Variants in CCAR1 observed in about 807,000 individuals in gnomAD.
The protein encoded by CCAR1 is cell division cycle and apoptosis regulator 1, also known as cell division cycle and apoptosis regulator protein 1.
Under a neutral mutation model 163.8 loss-of-function variants are expected in CCAR1, and 78 were observed. The observed-to-expected ratio is 0.48, with a 90% CI of 0.40 to 0.57. The LOEUF (loss-of-function observed/expected upper bound fraction) is 0.57, where lower values mean the gene tolerates loss of function less well. CCAR1 is among the 20% of genes least tolerant of loss of function. The pLI is 0.00. For missense variants in CCAR1, 1,019 were observed against 1,365.2 expected (o/e 0.75, Z 4.00); for synonymous variants, 443 against 460.7 (o/e 0.96, Z 0.49).
intron 19 of CCAR1, among the ~76,000 whole-genome samples, chr10:68,776,451 AG>A (rs1250034064): frequency 6.6e-6 from 1 of 152,062 alleles, no homozygotes; most frequent in Admixed American, 6.6e-5. Context: ...CTGTAATCCC[AG>A]CTACTTGGGA....
chr10:68,790,210 A>C (rs1339599430), intron 24 of CCAR1, among the ~76,000 whole-genome samples: 2 of 152,214 alleles, frequency 1.3e-5, no homozygotes, highest in East Asian at 3.9e-4. Flanking sequence ...AAAAAAAATT[A>C]GCCAGACATG....
At chr10:68,771,955 C>G (rs1205000589) in intron 18 of CCAR1, among the ~76,000 whole-genome samples, 1 of 151,980 alleles carries the variant, frequency 6.6e-6, no homozygotes, top group Non-Finnish European at 1.5e-5. Flanking sequence ...ACTGCAACCT[C>G]TCCCTCCCAG....
chr10:68,747,474 A>C lies in CCAR1; in HGVS notation c.734A>C (p.Gln245Pro), dbSNP rs145396018. The C allele has an allele frequency of 8.7e-6, 14 of 1,613,990 alleles. No individual in the cohort carries two copies. The highest frequency in any genetic ancestry group is 3.3e-5 in the Admixed American group (2 of 59,988). The change falls in exon 8 of 25, where the codon CAG (glutamine) becomes CCG (proline). Residue 245 changes from glutamine (Q) to proline (P), a missense_variant. Physicochemically the swap from Gln to Pro is moderately conservative, Grantham distance 76 (BLOSUM62 -1). This residue lies in a region of CCAR1 where 644 missense variants were observed against 904.4 expected (regional missense o/e 0.71). Transcript: ENST00000265872. Reference sequence around the variant, plus strand: ...GGTGTTCAGACTCAGCCCCAGCCCCAGTCACTGCTGCAGGCACAGATTTCA... The same window carrying C: ...GGTGTTCAGACTCAGCCCCAGCCCCCGTCACTGCTGCAGGCACAGATTTCA... ...TFGVQTQPQP[Q>P]SLLQAQISAA...
At chr10:68,772,683 G>A (rs2056617774) in intron 18 of CCAR1, among the ~76,000 whole-genome samples, 1 of 150,868 alleles carries the variant, frequency 6.6e-6, no homozygotes, top group Non-Finnish European at 1.5e-5. Context: ...ACTTGAACCT[G>A]GGAGGTGGAG....
At chr10:68,791,146 T>C in intron 24 of CCAR1, 61 bp from the exon 25 acceptor site, 1 of 1,009,172 alleles carries the variant, frequency 9.9e-7, no homozygotes, top group Admixed American at 2.3e-5. Flanking sequence ...TACTCTAAAA[T>C]CAAAGTAACA....
Position 68,749,205 on chromosome 10 carries a change from C to G in CCAR1, c.896C>G (p.Ser299Cys). 6.2e-7 allele frequency: 1 copy of G among 1,613,272 alleles called. No individual in the cohort carries two copies. Among genetic ancestry groups the G allele is most frequent in the Non-Finnish European group, 8.5e-7 (1 of 1,179,808 alleles). The change falls in exon 9 of 25, where the codon TCC becomes TGC. Residue 299 changes from serine to cysteine, a missense_variant. Physicochemically the swap from Ser to Cys is moderately radical, Grantham distance 112. This residue lies in a region of CCAR1 where 644 missense variants were observed against 904.4 expected (regional missense o/e 0.71). Coordinates refer to ENST00000265872, the MANE Select transcript of CCAR1 (RefSeq NM_018237.4). ...CCGGCACGACGATTAGATCCCCCAT[C>G]CCGATTTTCAGGAAGAAATGACAGA... is the stretch of plus-strand genomic sequence containing the variant. ...PQPARRLDPP[S>C]RFSGRNDRGD...
intron 19 of CCAR1, among the ~76,000 whole-genome samples, chr10:68,779,071 C>A (rs2056702549): frequency 6.6e-6 from 1 of 152,132 alleles, no homozygotes. Context: ...TTTTGAACTT[C>A]TGACCTTGTG....
intron 17 of CCAR1, among the ~76,000 whole-genome samples, chr10:68,767,797 G>A (rs2056554450): frequency 1.3e-5 from 2 of 152,168 alleles, no homozygotes; most frequent in South Asian, 4.1e-4. Flanking sequence ...GGGATTATAG[G>A]CATGAGCCAT....
At chr10:68,728,810 C>T (rs2055987770) in intron 2 of CCAR1, among the ~76,000 whole-genome samples, 1 of 152,062 alleles carries the variant, frequency 6.6e-6, no homozygotes, top group Admixed American at 6.6e-5. Flanking sequence ...CAAAAATAAG[C>T]TGGGTGTGGT....
chr10:68,771,924 G>A (rs2056609068), intron 18 of CCAR1, among the ~76,000 whole-genome samples: 1 of 151,786 alleles, frequency 6.6e-6, no homozygotes, highest in South Asian at 2.1e-4. Flanking sequence ...TTGCTGAAGT[G>A]CAGTGGCGTA....
intron 11 of CCAR1, 98 bp from the exon 12 acceptor site, chr10:68,754,616 A>G (rs1564539793): frequency 3.1e-6 from 2 of 637,088 alleles, no homozygotes; most frequent in Admixed American, 2.8e-5. Flanking sequence ...TTTTATTTAA[A>G]TTTCAGACAT....
chr10:68,743,782 G>A (rs577084963), intron 6 of CCAR1, among the ~76,000 whole-genome samples: 45 of 148,726 alleles, frequency 3.0e-4, no homozygotes, highest in African/African-American at 9.9e-4. Flanking sequence ...ACAGAGTCTC[G>A]CTCTGTCACC....
At chr10:68,767,599 C>G (rs1401300476) in intron 17 of CCAR1, among the ~76,000 whole-genome samples, 1 of 152,180 alleles carries the variant, frequency 6.6e-6, no homozygotes, top group Non-Finnish European at 1.5e-5. Context: ...GGCTGGAGTG[C>G]AGTGGCTCGA....
At chr10:68,742,720 A>G (rs934435559) in intron 6 of CCAR1, 151 bp downstream of exon 6, 3 of 657,574 alleles carry the variant, frequency 4.6e-6, no homozygotes, top group Admixed American at 2.7e-5. Flanking sequence ...GGTTCAAGCA[A>G]TTCTCTTGCC....
chr10:68,765,922 G>A lies in CCAR1; in HGVS notation c.2141G>A (p.Arg714His), dbSNP rs561113593. ...EERKRQEEIE[R>H]QRRERRYILP... ...AGGAAACGTCAAGAGGAAATAGAAC[G>A]CCAGCGTCGAGAAAGAAGATATATT... is the stretch of plus-strand genomic sequence containing the variant. Residue 714 changes from arginine to histidine, a missense_variant, in exon 17 of 25, where the codon CGC (arginine) becomes CAC (histidine). Physicochemically the swap from Arg to His is conservative, Grantham distance 29 (BLOSUM62 0). Around this residue, in one of 4 missense-constraint regions of CCAR1, gnomAD observed 644 missense variants for 904.4 expected, o/e 0.71. Coordinates refer to ENST00000265872, the MANE Select transcript of CCAR1 (RefSeq NM_018237.4). 11 of 1,613,454 alleles carry A rather than the reference G, an allele frequency of 6.8e-6. No homozygotes were observed. Among genetic ancestry groups the A allele is most frequent in the African/African-American group, 1.3e-5 (1 of 74,888 alleles).
At chr10:68,787,615 C>T (rs2056810007) in intron 21 of CCAR1, among the ~76,000 whole-genome samples, 1 of 152,068 alleles carries the variant, frequency 6.6e-6, no homozygotes, top group Non-Finnish European at 1.5e-5. Context: ...GAGGGTGGAT[C>T]ACCTGAGGTC....
chr10:68,736,638 G>T (rs1287769421), intron 2 of CCAR1, among the ~76,000 whole-genome samples: 4 of 152,020 alleles, frequency 2.6e-5, no homozygotes, highest in Non-Finnish European at 5.9e-5. Flanking sequence ...TTCATACGTG[G>T]TGCAAATTAC....
chr10:68,727,474 A>G (rs934764649), intron 2 of CCAR1, among the ~76,000 whole-genome samples: 7 of 152,200 alleles, frequency 4.6e-5, no homozygotes, highest in Admixed American at 4.6e-4. Flanking sequence ...ATTGTGGTTC[A>G]TTTTATCTTC....
chr10:68,738,273 G>A (rs2056138526), intron 4 of CCAR1, among the ~76,000 whole-genome samples: 1 of 152,136 alleles, frequency 6.6e-6, no homozygotes, highest in Admixed American at 6.6e-5. Flanking sequence ...AATTAGCCGG[G>A]TGTGGTGGCG....
Sources: gnomAD v4.1 joint callset for allele counts (sites outside exome capture counted in the v4.1 genomes callset) on GRCh38, gnomAD v4.1.1 for gene constraint, gnomAD v4.1.1 regional missense constraint, MANE v1.5 for transcripts, NCBI Gene and HGNC (gene_info 2026-07-23, HGNC 2026-07-21) for gene names.